Variants in SPATA19 observed in about 807,000 individuals in gnomAD.
The protein encoded by SPATA19 is spermatogenesis associated 19.
SPATA19 carries 19 observed loss-of-function variants against 25.0 expected under a neutral mutation model. The observed-to-expected ratio is 0.76, with a 90% confidence interval of 0.53 to 1.11. The LOEUF (loss-of-function observed/expected upper bound fraction) is 1.11, where lower values mean the gene tolerates loss of function less well. Among genes scored for constraint, SPATA19 ranks in the 50% most tolerant of loss-of-function variants. SPATA19 has a pLI of 0.00. For missense variants in SPATA19, 222 were observed against 211.4 expected, an observed-to-expected ratio of 1.05 and a Z score of -0.31; for synonymous variants, 64 against 69.3, an observed-to-expected ratio of 0.92 and a Z score of 0.38.
Position 133,845,377 on chromosome 11 carries a change from T to C in SPATA19, c.70A>G (p.Thr24Ala). ...KGVGLPFLPI[T>A]SSDIDVVESE... ...ACCACCAAGCTGCTTACCGAACTGGTTATTGGTAGGAAGGGAAGCCCTACA... is the reference window on the plus strand; with the variant it reads ...ACCACCAAGCTGCTTACCGAACTGGCTATTGGTAGGAAGGGAAGCCCTACA... Residue 24 changes from threonine to alanine, a missense_variant, in exon 1 of 7, where the codon ACC (threonine) becomes GCC (alanine). By Grantham distance (58) the Thr-to-Ala change is moderately conservative (BLOSUM62 0). Coordinates refer to ENST00000299140, the MANE Select transcript of SPATA19 (RefSeq NM_174927.3). 2 of 1,611,730 alleles carry C rather than the reference T, an allele frequency of 1.2e-6. No homozygotes were observed. Among genetic ancestry groups the C allele is most frequent in the Non-Finnish European group, 1.7e-6 (2 of 1,177,850 alleles).
chr11:133,841,645 A>G (rs961222593), intron 6 of SPATA19, among the ~76,000 whole-genome samples: 1 of 152,212 alleles, frequency 6.6e-6, no homozygotes, highest in African/African-American at 2.4e-5. Context: ...CACTCCTGAC[A>G]CTACGATCTG....
rs917598144 is a variant in SPATA19, at chr11:133,841,919, C to A, written c.*9+111G>T. The A allele has an allele frequency of 1.3e-5, 14 of 1,058,678 alleles. No homozygotes were observed. The Admixed American group carries it at 2.2e-4, about 17-fold the overall frequency. 65.6% of individuals were successfully genotyped at this position (1,058,678 alleles called of 1,614,324 possible). A position where few individuals can be genotyped will look rare whatever the true frequency, so the allele number is the denominator to read the frequency against. On this transcript the variant is annotated intron_variant, in intron 6 of 6. Coordinates refer to ENST00000299140, the MANE Select transcript of SPATA19 (RefSeq NM_174927.3). ...ACTGGCCCTGAGTGCAGGCCCTTCC[C>A]CAGTAGGGAAAAGCTAAGCCTCTTT...
At chr11:133,842,688 T>G in intron 4 of SPATA19, 126 bp from the exon 5 acceptor site, 1 of 776,936 alleles carries the variant, frequency 1.3e-6, no homozygotes, top group Non-Finnish European at 2.2e-6. Context: ...ACTTTTGAGC[T>G]GGTCTCTCCC....
At chr11:133,840,550 C>T (rs554334401), downstream of SPATA19, 1 of 152,262 alleles carries the variant, frequency 6.6e-6, no homozygotes, top group Admixed American at 6.5e-5. Flanking sequence ...GTCATGTGTC[C>T]CCAGAGCCAG....
chr11:133,844,468 C>G (rs1938376534), intron 3 of SPATA19, 41 bp downstream of exon 3: 1 of 1,613,968 alleles, frequency 6.2e-7, no homozygotes, highest in Admixed American at 1.7e-5. Flanking sequence ...TCCCCTCTCC[C>G]TCACCGCTAC....
At chr11:133,837,143 A>G (rs1938226996), downstream of SPATA19, among the ~76,000 whole-genome samples, 1 of 152,208 alleles carries the variant, frequency 6.6e-6, no homozygotes, top group Non-Finnish European at 1.5e-5. Context: ...AAGAGCTTGG[A>G]AGTCATCACT....
chr11:133,841,485 C>T (rs1938308278), intron 6 of SPATA19, among the ~76,000 whole-genome samples: 1 of 152,176 alleles, frequency 6.6e-6, no homozygotes, highest in African/African-American at 2.4e-5. Flanking sequence ...CCGGATAGCT[C>T]TTGTGGTTGT....
chr11:133,843,887 T>C (rs1034997824), intron 4 of SPATA19, among the ~76,000 whole-genome samples: 8 of 152,228 alleles, frequency 5.3e-5, no homozygotes, highest in African/African-American at 1.2e-4. Context: ...CACACCTCAG[T>C]TGCAGATGAA....
intron 4 of SPATA19, among the ~76,000 whole-genome samples, chr11:133,843,305 G>C (rs925746768): frequency 6.6e-6 from 1 of 152,146 alleles, no homozygotes; most frequent in African/African-American, 2.4e-5. Flanking sequence ...AACCACGTCA[G>C]GCACAGAAAA....
chr11:133,843,894 T>A (rs757951257), intron 4 of SPATA19, among the ~76,000 whole-genome samples: 2 of 152,252 alleles, frequency 1.3e-5, no homozygotes. Flanking sequence ...CAGTTGCAGA[T>A]GAAAACTTTG....
Position 133,844,547 on chromosome 11 carries a change from G to T in SPATA19, c.229C>A (p.Pro77Thr). The change falls in exon 3 of 7, where the codon CCC becomes ACC. Residue 77 changes from proline (P) to threonine (T), a missense_variant. Physicochemically the swap from Pro to Thr is conservative, Grantham distance 38. Transcript: ENST00000299140. ...VREKMSTDSP[P>T]THGQDIHVTR... ...ACGTGGATGTCCTGGCCATGGGTGG[G>T]AGGGGAGTCAGTGGACATCTTCTCC... 6.2e-7 allele frequency: 1 copy of T among 1,614,144 alleles called. No homozygotes were observed. Among genetic ancestry groups the T allele is most frequent in the Non-Finnish European group, 8.5e-7 (1 of 1,180,034 alleles).
At chr11:133,837,590 G>A (rs1387429891), downstream of SPATA19, among the ~76,000 whole-genome samples, 2 of 152,066 alleles carry the variant, frequency 1.3e-5, no homozygotes, top group Non-Finnish European at 2.9e-5. Flanking sequence ...ATTTTGCCAG[G>A]GCCAAGCCAG....
intron 6 of SPATA19, 133 bp downstream of exon 6, chr11:133,841,896 TG>T: frequency 1.2e-6 from 1 of 822,790 alleles, no homozygotes; most frequent in Non-Finnish European, 2.0e-6. Flanking sequence ...CTCCCACTAC[TG>T]GCCCTGAGTG....
At chr11:133,841,030 C>T (rs1300284962) in intron 6 of SPATA19, 107 bp from the exon 7 acceptor site, 2 of 152,146 alleles carry the variant, frequency 1.3e-5, no homozygotes, top group Non-Finnish European at 2.9e-5. Context: ...AACTGTGTAC[C>T]CTCCCAGCAC....
At chr11:133,844,848 T>C (rs1938387164) in intron 2 of SPATA19, among the ~76,000 whole-genome samples, 1 of 152,188 alleles carries the variant, frequency 6.6e-6, no homozygotes, top group South Asian at 2.1e-4. Context: ...TATCCCAAGG[T>C]GTTCCTGAGA....
At chr11:133,838,124 T>C (rs1938241991), downstream of SPATA19, among the ~76,000 whole-genome samples, 1 of 152,158 alleles carries the variant, frequency 6.6e-6, no homozygotes, top group Non-Finnish European at 1.5e-5. Context: ...TACATAGCTT[T>C]ATGAGACAAA....
intron 4 of SPATA19, 59 bp downstream of exon 4, chr11:133,844,187 G>A: frequency 7.2e-7 from 1 of 1,391,838 alleles, no homozygotes; most frequent in Admixed American, 1.7e-5. Context: ...TTCGTGAAGA[G>A]AGGGGCTTGC....
Position 133,845,360 on chromosome 11 carries a change from GC to G in SPATA19, c.78+8del. On this transcript the variant is annotated splice_region_variant and intron_variant, in intron 1 of 6. Coordinates refer to ENST00000299140, the MANE Select transcript of SPATA19 (RefSeq NM_174927.3). ...AATTATTCCATGTGACTACCACCAA[GC>G]TGCTTACCGAACTGGTTATTGGTAG... is the stretch of plus-strand genomic sequence containing the variant. 1.1e-5 allele frequency: 18 copies of G among 1,600,270 alleles called. No individual in the cohort carries two copies. Among genetic ancestry groups the G allele is most frequent in the Non-Finnish European group, 1.5e-5 (17 of 1,167,736 alleles).
At chr11:133,838,679 T>G (rs999148179), downstream of SPATA19, among the ~76,000 whole-genome samples, 2 of 151,950 alleles carry the variant, frequency 1.3e-5, no homozygotes, top group African/African-American at 4.8e-5. Flanking sequence ...AATTGACAAA[T>G]GGGATCTAAT....
Sources: gnomAD v4.1 joint callset for allele counts (sites outside exome capture counted in the v4.1 genomes callset) on GRCh38, gnomAD v4.1.1 for gene constraint, MANE v1.5 for transcripts, NCBI Gene and HGNC (gene_info 2026-07-23, HGNC 2026-07-21) for gene names.